NELFCD: variants seen among roughly 807,000 people sequenced by gnomAD.
The protein encoded by NELFCD is negative elongation factor complex member C/D, also known as negative elongation factor C/D.
Under a neutral mutation model 72.9 loss-of-function variants are expected in NELFCD, and 48 were observed. The observed-to-expected ratio is 0.66, with a 90% CI of 0.52 to 0.84. NELFCD has a LOEUF of 0.84. NELFCD is among the 40% of genes least tolerant of loss of function. NELFCD has a pLI of 0.00. For synonymous variants in NELFCD, 297 were observed against 280.6 expected, an observed-to-expected ratio of 1.06 and a Z score of -0.59; for missense variants, 538 against 723.8, an observed-to-expected ratio of 0.74 and a Z score of 2.94.
rs1350169509 is a variant in NELFCD, at chr20:58,994,577, AAAAG to A, written c.1712-57_1712-54del. The stretch of plus-strand genomic sequence containing the variant: ...AACTGCATCTCAAAAAAAAAAAAAA[AAAAG>A]AAAGAAAATGTCATGTTCTACTTCC... On this transcript the variant is annotated intron_variant, in intron 14 of 14. Coordinates refer to ENST00000652272, the MANE Select transcript of NELFCD (RefSeq NM_198976.4). The A allele has an allele frequency of 3.9e-4, 522 of 1,353,032 alleles. 1 individual carries two copies. In the African/African-American group the frequency reaches 5.6e-3, roughly 14 times the overall value. The allele number at this position is 1,353,032 out of a possible 1,614,324, so 83.8% of individuals were successfully genotyped here. A position where few individuals can be genotyped will look rare whatever the true frequency, so the allele number is the denominator to read the frequency against.
intron 7 of NELFCD, chr20:58,990,681 A>G (rs900772834): frequency 2.8e-5 from 13 of 461,752 alleles, no homozygotes; most frequent in Non-Finnish European, 4.2e-5. Flanking sequence ...TCTGCTACCA[A>G]TAGAGTGTTC....
intron 10 of NELFCD, among the ~76,000 whole-genome samples, chr20:58,992,512 G>A (rs1311233389): frequency 6.6e-6 from 1 of 152,122 alleles, no homozygotes; most frequent in East Asian, 1.9e-4. Context: ...TTTTCCTTTC[G>A]ATAAGTGGTT....
intron 1 of NELFCD, among the ~76,000 whole-genome samples, chr20:58,983,473 T>G (rs1345442094): frequency 1.5e-5 from 2 of 136,248 alleles, no homozygotes; most frequent in African/African-American, 5.5e-5. Context: ...GGAGTCTCAC[T>G]CTGTCACCCA....
chr20:58,989,005 T>G lies in NELFCD; in HGVS notation c.488T>G (p.Leu163Arg), dbSNP rs1311635250. The part of the protein sequence containing the change: ...LAEAHPDCLM[L>R]NFTVKLISDA... The stretch of plus-strand genomic sequence containing the variant: ...GAAGCCCATCCAGACTGTTTGATGC[T>G]GAACTTCACCGTTAAGGTAGGAAGA... The change falls in exon 5 of 15, where the codon CTG becomes CGG. Residue 163 changes from leucine (L) to arginine (R), a missense_variant. Leu to Arg is a moderately radical substitution (Grantham distance 102, BLOSUM62 -2). Coordinates refer to ENST00000652272, the MANE Select transcript of NELFCD (RefSeq NM_198976.4). 6.2e-7 allele frequency: 1 copy of G among 1,612,204 alleles called. No individual in the cohort carries two copies. Among genetic ancestry groups the G allele is most frequent in the Non-Finnish European group, 8.5e-7 (1 of 1,178,298 alleles).
In NELFCD at chr20:58,986,036, G is replaced by C; in HGVS notation, c.61-57G>C. 1 of 1,111,478 alleles carries C rather than the reference G, an allele frequency of 9.0e-7. No individual in the cohort carries two copies. The allele number at this position is 1,111,478 out of a possible 1,614,324, so 68.9% of individuals were successfully genotyped here. A position where few individuals can be genotyped will look rare whatever the true frequency, so the allele number is the denominator to read the frequency against. ...GGCAGCATTATACGATTTAAGGTGAGATTAGGGTATTTGTATTAATGAAAA... is the reference window on the plus strand; with the variant it reads ...GGCAGCATTATACGATTTAAGGTGACATTAGGGTATTTGTATTAATGAAAA... On this transcript the variant is annotated intron_variant, in intron 1 of 14. Coordinates refer to ENST00000652272, the MANE Select transcript of NELFCD (RefSeq NM_198976.4). The surrounding 1 kb of genome is among the most constrained non-coding windows in gnomAD (Gnocchi z 4.4).
rs1334906794 is a variant in NELFCD, at chr20:58,994,711, C to G, written c.*35C>G. ...TCCTCCAGAGCTGAAGCAGAACATT[C>G]CAGAACCCGTTGTGGAAAAACCCTT... On this transcript the variant is annotated 3_prime_UTR_variant, in exon 15 of 15. Transcript: ENST00000652272. 3.9e-5 allele frequency: 62 copies of G among 1,579,304 alleles called. No individual in the cohort carries two copies. Among genetic ancestry groups the G allele is most frequent in the Non-Finnish European group, 5.1e-5 (59 of 1,153,178 alleles).
At chr20:58,990,134 C>A in intron 7 of NELFCD, 146 bp downstream of exon 7, 1 of 1,072,212 alleles carries the variant, frequency 9.3e-7, no homozygotes. Context: ...TGGTGGCTCA[C>A]GCCTGTAATC....
chr20:58,983,203 C>A lies in NELFCD; in HGVS notation c.60+1834C>A, dbSNP rs182252725. 8.5e-3 allele frequency among the ~76,000 whole-genome samples: 1,270 copies of A among 149,092 alleles called. 7 individuals carry two copies. The highest frequency in any genetic ancestry group is 0.019 in the Admixed American group (279 of 14,830). On this transcript the variant is annotated intron_variant, in intron 1 of 14. Transcript: ENST00000652272. ...TCAGGCTGGAGTGCAGTGGCTTGAT[C>A]TCAGCTCGCTGCAACTGCCATCTCC... is the stretch of plus-strand genomic sequence containing the variant.
chr20:58,991,821 C>A (rs761369778), intron 9 of NELFCD, 60 bp from the exon 10 acceptor site: 6 of 1,584,064 alleles, frequency 3.8e-6, no homozygotes, highest in Non-Finnish European at 5.2e-6. Context: ...GACACCAGAA[C>A]ACCCCGACAG....
intron 5 of NELFCD, 150 bp downstream of exon 5, chr20:58,989,171 G>A (rs1427816714): frequency 4.6e-6 from 3 of 654,210 alleles, no homozygotes; most frequent in African/African-American, 3.6e-5. Context: ...AGAAAGAAAA[G>A]TGTAAAATTT....
At chr20:58,991,526 G>A in intron 9 of NELFCD, 80 bp downstream of exon 9, 1 of 1,548,348 alleles carries the variant, frequency 6.5e-7, no homozygotes. Context: ...TGGAATTTTG[G>A]CTGCAAGAAA....
chr20:58,990,124 T>C, intron 7 of NELFCD, 136 bp downstream of exon 7: 1 of 1,227,394 alleles, frequency 8.1e-7, no homozygotes. Flanking sequence ...TGGCTGGGCG[T>C]GGTGGCTCAC....
At position 58,986,116 on chromosome 20, in the gene NELFCD, A is replaced by G; in HGVS notation, c.84A>G (p.Gly28=). The G allele has an allele frequency of 1.2e-6, 2 of 1,613,806 alleles. No individual in the cohort carries two copies. The highest frequency in any genetic ancestry group is 1.7e-6 in the Non-Finnish European group (2 of 1,179,676). The part of the protein sequence containing the change: ...GGQQEDDSGE[G]EDDAEVQQEC... The stretch of plus-strand genomic sequence containing the variant: ...AGCAGGAGGATGATTCTGGAGAAGG[A>G]GAGGATGATGCGGAGGTTCAGCAAG... The change falls in exon 2 of 15, where the codon GGA becomes GGG. Residue 28 remains glycine (G), a synonymous_variant. Coordinates refer to ENST00000652272, the MANE Select transcript of NELFCD (RefSeq NM_198976.4). The surrounding 1 kb of genome is among the most constrained non-coding windows in gnomAD (Gnocchi z 4.4).
Position 58,989,501 on chromosome 20 carries a change from C to T in NELFCD, c.518C>T (p.Ala173Val). The T allele has an allele frequency of 6.2e-7, 1 of 1,613,900 alleles. No individual in the cohort carries two copies. Among genetic ancestry groups the T allele is most frequent in the Non-Finnish European group, 8.5e-7 (1 of 1,179,786 alleles). ...LNFTVKLISD[A>V]GYQGEITSVS... ...TTTGTGTCCTAGCTTATTTCTGACG[C>T]AGGGTACCAGGGGGAGATCACCAGT... The change falls in exon 6 of 15, where the codon GCA becomes GTA. Residue 173 changes from alanine (A) to valine (V), a missense_variant. Ala to Val is a moderately conservative substitution (Grantham distance 64). This residue lies in a region of NELFCD where 355 missense variants were observed against 534.5 expected (regional missense o/e 0.66). Coordinates refer to ENST00000652272, the MANE Select transcript of NELFCD (RefSeq NM_198976.4).
At position 58,993,951 on chromosome 20, in the gene NELFCD, C is replaced by A; in HGVS notation, c.1582-159C>A. 1.8e-6 allele frequency: 2 copies of A among 1,089,552 alleles called. No homozygotes were observed. The highest frequency in any genetic ancestry group is 3.1e-5 in the African/African-American group (2 of 64,442). 67.5% of individuals were successfully genotyped at this position (1,089,552 alleles called of 1,614,324 possible). On this transcript the variant is annotated intron_variant, in intron 13 of 14. Transcript: ENST00000652272. This position sits in a 1 kb window ranked among gnomAD's most constrained non-coding sequence, Gnocchi z 5.0. ...GCAGCTGTATGACACACTTTACCTC[C>A]ATTACCACCCTGGGCATCTGAATGT... is the stretch of plus-strand genomic sequence containing the variant.
At position 58,990,959 on chromosome 20, in the gene NELFCD, TA is replaced by T. The variant is rs746178131; in HGVS notation, c.839del (p.Tyr280SerfsTer17). The T allele has an allele frequency of 6.2e-7, 1 of 1,614,184 alleles. No homozygotes were observed. Among genetic ancestry groups the T allele is most frequent in the Non-Finnish European group, 8.5e-7 (1 of 1,180,024 alleles). ...ITLALGTAASYPRACQALGAM... is the reference protein window; with the variant it reads ...ITLALGTAASXPRACQALGAM... ...ACTAGCCTTGGGCACAGCTGCCTCC[TA>T]CCCCAGGGCCTGCCAGGCTCTCGGG... On this transcript the variant is annotated frameshift_variant, in exon 8 of 15. Transcript: ENST00000652272. LOFTEE classifies it high-confidence loss of function.
intron 1 of NELFCD, among the ~76,000 whole-genome samples, chr20:58,982,397 AT>A (rs2091741919): frequency 6.6e-6 from 1 of 151,978 alleles, no homozygotes; most frequent in Admixed American, 6.6e-5. Flanking sequence ...ACCTCAGGTG[AT>A]CCACCCACCT....
chr20:58,990,148 G>A (rs185917824), intron 7 of NELFCD, 160 bp downstream of exon 7: 1 of 944,778 alleles, frequency 1.1e-6, no homozygotes, highest in Non-Finnish European at 1.5e-6. Context: ...TGTAATCCCA[G>A]CACTTTGGGA....
At chr20:58,983,993 G>A (rs1216967831) in intron 1 of NELFCD, among the ~76,000 whole-genome samples, 1 of 152,104 alleles carries the variant, frequency 6.6e-6, no homozygotes, top group Non-Finnish European at 1.5e-5. Flanking sequence ...GACTCTGCTT[G>A]GAAGAGGTAC....
Sources: gnomAD v4.1 joint callset for allele counts (sites outside exome capture counted in the v4.1 genomes callset) on GRCh38, gnomAD v4.1.1 for gene constraint, gnomAD v4.1.1 regional missense constraint, Gnocchi (gnomAD v3.1) non-coding constraint, MANE v1.5 for transcripts, NCBI Gene and HGNC (gene_info 2026-07-23, HGNC 2026-07-21) for gene names.